Variants in STK3 observed in about 807,000 individuals in gnomAD.
STK3 encodes serine/threonine kinase 3.
STK3 carries 41 observed loss-of-function variants against 58.0 expected under a neutral mutation model. The ratio of observed to expected loss-of-function variants is 0.71; its 90% confidence interval spans 0.55 to 0.92. The LOEUF (loss-of-function observed/expected upper bound fraction) is 0.92, where lower values mean the gene tolerates loss of function less well. STK3 is among the 40% of genes least tolerant of loss of function. The pLI, the probability that STK3 is intolerant of heterozygous loss-of-function variation, is 0.00. For synonymous variants in STK3, 170 were observed against 191.0 expected (o/e 0.89, Z 0.91); for missense variants, 479 against 602.7 (o/e 0.79, Z 2.15).
chr8:98,874,161 A>T (rs1345028011), intron 3 of STK3, among the ~76,000 whole-genome samples: 1 of 152,186 alleles, frequency 6.6e-6, no homozygotes, highest in South Asian at 2.1e-4. Flanking sequence ...AAGAATGTTG[A>T]ATATTGGCCC....
intron 1 of STK3, among the ~76,000 whole-genome samples, chr8:98,918,401 T>C (rs1839424682): frequency 1.3e-5 from 2 of 152,182 alleles, no homozygotes; most frequent in South Asian, 4.1e-4. Flanking sequence ...GCTTAACAAA[T>C]ATTCTTTCCT....
intron 1 of STK3, among the ~76,000 whole-genome samples, chr8:98,783,852 G>T (rs1832281386): frequency 1.3e-5 from 2 of 152,150 alleles, no homozygotes; most frequent in Non-Finnish European, 1.5e-5. Flanking sequence ...GTGTACAAAG[G>T]CCAACTCTGA....
chr8:98,733,662 T>A (rs1397087207), intron 4 of STK3, among the ~76,000 whole-genome samples: 1 of 152,170 alleles, frequency 6.6e-6, no homozygotes, highest in African/African-American at 2.4e-5. Context: ...TATGTGCATC[T>A]CCTTTTTTCC....
chr8:98,663,204 G>A (rs1421729621), intron 6 of STK3, among the ~76,000 whole-genome samples: 1 of 152,008 alleles, frequency 6.6e-6, no homozygotes, highest in Non-Finnish European at 1.5e-5. Flanking sequence ...ACAAAAAGTG[G>A]GTGAAGGATA....
intron 8 of STK3, among the ~76,000 whole-genome samples, chr8:98,551,782 G>C (rs918058204): frequency 6.6e-6 from 1 of 151,950 alleles, no homozygotes; most frequent in Non-Finnish European, 1.5e-5. Flanking sequence ...ACCTTTACTC[G>C]CACTGCCCTA....
intron 3 of STK3, among the ~76,000 whole-genome samples, chr8:98,426,658 G>A (rs2131064028): frequency 1.3e-5 from 2 of 152,296 alleles, no homozygotes; most frequent in African/African-American, 4.8e-5. Context: ...AGTTCCTCCG[G>A]TCCCGCCCTG....
intron 2 of STK3, among the ~76,000 whole-genome samples, chr8:98,767,890 C>G (rs1311295366): frequency 2.6e-5 from 4 of 152,170 alleles, no homozygotes; most frequent in Non-Finnish European, 5.9e-5. Flanking sequence ...ATTTACAGAT[C>G]CAAGGTCTCT....
At chr8:98,618,866 T>C (rs1818005664) in intron 6 of STK3, among the ~76,000 whole-genome samples, 1 of 150,434 alleles carries the variant, frequency 6.6e-6, no homozygotes, top group Non-Finnish European at 1.5e-5. Flanking sequence ...GAAGAATCAA[T>C]ATCGTGAAAA....
chr8:98,354,685 CT>C, the STK3 span, among the ~76,000 whole-genome samples: 2 of 152,218 alleles, frequency 1.3e-5, no homozygotes, highest in African/African-American at 4.8e-5. Flanking sequence ...GCTCTTTCCC[CT>C]AAGGACATCA....
intron 9 of STK3, among the ~76,000 whole-genome samples, chr8:98,534,414 A>G (rs1038180784): frequency 1.3e-5 from 2 of 152,250 alleles, no homozygotes; most frequent in Non-Finnish European, 2.9e-5. Flanking sequence ...GAGACAGTTC[A>G]GCATGAAAAC....
chr8:98,377,737 A>G lies in STK3; in HGVS notation n.111+1416T>C, dbSNP rs560941279. 2.0e-5 allele frequency among the ~76,000 whole-genome samples: 3 copies of G among 152,202 alleles called. No individual in the cohort carries two copies. In the South Asian group the frequency reaches 6.2e-4, roughly 32 times the overall value. ...CCTGAGAGCTGCTTCTTGCTTTCTC[A>G]GGCTGGGGCAGTTCCAGCCTCTTGG... On this transcript the variant is annotated intron_variant and non_coding_transcript_variant, in intron 2 of 2. Coordinates refer to the STK3 transcript ENST00000518704.
At chr8:98,626,289 A>T (rs997990631) in intron 6 of STK3, among the ~76,000 whole-genome samples, 5 of 152,242 alleles carry the variant, frequency 3.3e-5, no homozygotes, top group Admixed American at 1.3e-4. Flanking sequence ...ATCACTGAAG[A>T]AAAGAAACAC....
Position 98,547,980 on chromosome 8 carries a change from C to T in STK3, c.1130G>A (p.Gly377Glu), listed in dbSNP as rs1810852188. 3 of 1,587,580 alleles carry T rather than the reference C, an allele frequency of 1.9e-6. No homozygotes were observed. The highest frequency in any genetic ancestry group is 2.6e-6 in the Non-Finnish European group (3 of 1,170,040). The change falls in exon 9 of 11, where the codon GGA becomes GAA. Residue 377 changes from glycine (G) to glutamate (E), a missense_variant. Transcript: ENST00000419617. ...AAAAAGCCACATACTTTTCATAGTT[C>T]CATCTTCTTCTTCCTCATCCTCACT... The part of the protein sequence containing the change: ...INSEDEEEED[G>E]TMKRNATSPQ...
intron 6 of STK3, among the ~76,000 whole-genome samples, chr8:98,680,085 G>A (rs1488969731): frequency 6.6e-6 from 1 of 152,108 alleles, no homozygotes; most frequent in Non-Finnish European, 1.5e-5. Context: ...CTGTGAAACT[G>A]GATATATAAC....
At chr8:98,846,683 A>G (rs1454653096) in intron 3 of STK3, among the ~76,000 whole-genome samples, 2 of 152,124 alleles carry the variant, frequency 1.3e-5, no homozygotes, top group African/African-American at 4.8e-5. Flanking sequence ...AATTCCACAC[A>G]ATAAAAAGAT....
At chr8:98,559,423 C>T (rs554673549) in intron 8 of STK3, among the ~76,000 whole-genome samples, 1 of 152,230 alleles carries the variant, frequency 6.6e-6, no homozygotes, top group East Asian at 1.9e-4. Flanking sequence ...CAGAGGAGCA[C>T]TTGCCAAACT....
At chr8:98,514,952 AC>A (rs1824815003) in intron 10 of STK3, among the ~76,000 whole-genome samples, 1 of 152,072 alleles carries the variant, frequency 6.6e-6, no homozygotes, top group Admixed American at 6.6e-5. Context: ...CAATAGCAAA[AC>A]CATCAATCTA....
chr8:98,363,774 C>T, the STK3 span, among the ~76,000 whole-genome samples: 1 of 152,330 alleles, frequency 6.6e-6, no homozygotes, highest in East Asian at 1.9e-4. Flanking sequence ...TCATCCCTCC[C>T]TGACTTGAGC....
At chr8:98,611,372 C>T (rs935583785) in intron 6 of STK3, among the ~76,000 whole-genome samples, 1 of 151,708 alleles carries the variant, frequency 6.6e-6, no homozygotes, top group Non-Finnish European at 1.5e-5. Flanking sequence ...TATATACATA[C>T]ATCAAAGTCT....
Sources: allele counts gnomAD v4.1 joint callset (sites outside exome capture counted in the v4.1 genomes callset), GRCh38; gene constraint gnomAD v4.1.1; transcripts MANE v1.5; gene names NCBI Gene and HGNC (gene_info 2026-07-23, HGNC 2026-07-21).